Variants in KLHL2 observed in about 807,000 individuals in gnomAD.
The protein encoded by KLHL2 is kelch like family member 2, also known as kelch-like protein 2.
In KLHL2, 15 loss-of-function variants were observed where a neutral mutation model predicts 75.8. The ratio of observed to expected loss-of-function variants is 0.20; its 90% confidence interval spans 0.13 to 0.30. The LOEUF is 0.30. KLHL2 is among the 10% of genes least tolerant of loss of function. The pLI is 1.00. For synonymous variants in KLHL2, 214 were observed against 251.9 expected, an observed-to-expected ratio of 0.85 and a Z score of 1.42; for missense variants, 381 against 741.0, an observed-to-expected ratio of 0.51 and a Z score of 5.64.
rs112182327 is a variant in KLHL2, at chr4:165,251,848, A to T, written c.382-11349A>T. On this transcript the variant is annotated intron_variant, in intron 4 of 14. Transcript: ENST00000226725. ...ATGGTCTCGATCTCCTGACCTCGTGATCCGCCCGCCTCGGCCTCCCAAAGT... is the reference window on the plus strand; with the variant it reads ...ATGGTCTCGATCTCCTGACCTCGTGTTCCGCCCGCCTCGGCCTCCCAAAGT... Among the ~76,000 whole-genome samples the T allele has an allele frequency of 7.2e-5, 11 of 152,096 alleles. No homozygotes were observed. The South Asian group carries it at 2.3e-3, about 32-fold the overall frequency.
At chr4:165,252,110 G>A (rs1405716865) in intron 4 of KLHL2, among the ~76,000 whole-genome samples, 1 of 152,150 alleles carries the variant, frequency 6.6e-6, no homozygotes, top group Non-Finnish European at 1.5e-5. Context: ...ACAAAAAAAT[G>A]ACTCCATCCT....
chr4:165,322,918 G>A lies in KLHL2; in HGVS notation c.*858G>A, dbSNP rs565693929. ...ACACTTTGGCATGAACATTACTGCA[G>A]GTTTTTGATGAATATAATGAATGTA... On this transcript the variant is annotated 3_prime_UTR_variant, in exon 15 of 15. Transcript: ENST00000226725. The A allele has an allele frequency of 1.3e-5, 2 of 152,518 alleles. No individual in the cohort carries two copies. Among genetic ancestry groups the A allele is most frequent in the Admixed American group, 1.3e-4 (2 of 15,280 alleles). The allele number at this position is 152,518 out of a possible 1,614,324, so 9.4% of individuals were successfully genotyped here.
At position 165,259,696 on chromosome 4, in the gene KLHL2, TTTA is replaced by T. The variant is rs552691008; in HGVS notation, c.382-3495_382-3493del. Reference sequence around the variant, plus strand: ...ATGCATTGTTGAAGTGGTTGTTGTCTTTATTATTCTTCATGAAAAGGACAGTGT... The same window carrying T: ...ATGCATTGTTGAAGTGGTTGTTGTCTTTATTCTTCATGAAAAGGACAGTGT... On this transcript the variant is annotated intron_variant, in intron 4 of 14. Coordinates refer to ENST00000226725, the MANE Select transcript of KLHL2 (RefSeq NM_007246.4). Among the ~76,000 whole-genome samples the T allele has an allele frequency of 2.0e-4, 31 of 152,334 alleles. No homozygotes were observed. In the South Asian group the frequency reaches 6.4e-3, roughly 32 times the overall value.
chr4:165,222,427 T>C (rs1022553302), intron 2 of KLHL2, among the ~76,000 whole-genome samples: 2 of 152,166 alleles, frequency 1.3e-5, no homozygotes, highest in Non-Finnish European at 2.9e-5. Context: ...TAGTACCTTC[T>C]TGTTCTTTGT....
At chr4:165,293,962 T>C (rs1744718684) in intron 5 of KLHL2, among the ~76,000 whole-genome samples, 1 of 152,214 alleles carries the variant, frequency 6.6e-6, no homozygotes, top group East Asian at 1.9e-4. Flanking sequence ...ACATGTAGGA[T>C]ATGACAATAT....
At chr4:165,276,094 C>T (rs1412778199) in intron 5 of KLHL2, among the ~76,000 whole-genome samples, 1 of 152,186 alleles carries the variant, frequency 6.6e-6, no homozygotes, top group Non-Finnish European at 1.5e-5. Context: ...CACCACTGCA[C>T]TGTAGCCTGG....
chr4:165,241,521 A>C (rs546338964), intron 4 of KLHL2, among the ~76,000 whole-genome samples: 1 of 152,066 alleles, frequency 6.6e-6, no homozygotes, highest in Non-Finnish European at 1.5e-5. Flanking sequence ...CTGTAATTCA[A>C]ATGTTTCTTG....
Position 165,279,725 on chromosome 4 carries a change from G to A in KLHL2, c.545-14634G>A, listed in dbSNP as rs1324922357. On this transcript the variant is annotated intron_variant, in intron 5 of 14. Coordinates refer to ENST00000226725, the MANE Select transcript of KLHL2 (RefSeq NM_007246.4). ...CGGGAGGGGGAGGGGAGGGTGACGA[G>A]TCCAAAGAGCGAGGCCGCGCGAGTC... 7.9e-6 allele frequency: 9 copies of A among 1,145,718 alleles called. No homozygotes were observed. In the African/African-American group the frequency reaches 1.2e-4, roughly 15 times the overall value. 71.0% of individuals were successfully genotyped at this position (1,145,718 alleles called of 1,614,324 possible).
intron 5 of KLHL2, chr4:165,279,378 C>T: frequency 2.5e-6 from 4 of 1,585,032 alleles, no homozygotes; most frequent in Non-Finnish European, 3.5e-6. Context: ...TGGTTGCTGA[C>T]ACCAATAGCT....
intron 4 of KLHL2, among the ~76,000 whole-genome samples, chr4:165,255,218 T>A (rs1333087329): frequency 2.0e-5 from 3 of 152,220 alleles, no homozygotes; most frequent in Non-Finnish European, 2.9e-5. Flanking sequence ...CCATACTACC[T>A]TTGCTTTTCT....
intron 5 of KLHL2, among the ~76,000 whole-genome samples, chr4:165,281,739 A>G (rs1403093367): frequency 2.0e-5 from 3 of 152,198 alleles, no homozygotes; most frequent in African/African-American, 7.2e-5. Flanking sequence ...ATGAGCATAT[A>G]TGTTCATTAT....
chr4:165,294,011 T>G (rs2126490766), intron 5 of KLHL2, among the ~76,000 whole-genome samples: 1 of 152,226 alleles, frequency 6.6e-6, no homozygotes, highest in African/African-American at 2.4e-5. Flanking sequence ...AATCAAAAGG[T>G]TTTACAAATT....
At chr4:165,314,647 C>T (rs1735630526) in intron 13 of KLHL2, among the ~76,000 whole-genome samples, 3 of 152,050 alleles carry the variant, frequency 2.0e-5, no homozygotes, top group Non-Finnish European at 1.5e-5. Flanking sequence ...GTAACCCTAG[C>T]TTAATACAGT....
At chr4:165,264,721 C>CATATATATATATATATATAT (rs1187856274) in intron 5 of KLHL2, among the ~76,000 whole-genome samples, 2 of 71,196 alleles carry the variant, frequency 2.8e-5, no homozygotes, top group African/African-American at 4.8e-5. Context: ...TATATATATA[C>CATATATATATATATATATAT]ATATATATAT....
chr4:165,258,033 T>A (rs1741325173), intron 4 of KLHL2, among the ~76,000 whole-genome samples: 1 of 151,918 alleles, frequency 6.6e-6, no homozygotes, highest in African/African-American at 2.4e-5. Context: ...CAGGGTTCGG[T>A]TGATGGAATA....
In KLHL2 at chr4:165,297,744, CAT is replaced by C; in HGVS notation, c.771+22_771+23del. 3 of 1,378,338 alleles carry C rather than the reference CAT, an allele frequency of 2.2e-6. No individual in the cohort carries two copies. Among genetic ancestry groups the C allele is most frequent in the Non-Finnish European group, 3.1e-6 (3 of 964,818 alleles). The allele number at this position is 1,378,338 out of a possible 1,614,324, so 85.4% of individuals were successfully genotyped here. ...AGTTCAGGTAAATGCATATGCAAAACATATGAATCCACACAGCACTGTGTCAC... is the reference window on the plus strand; with the variant it reads ...AGTTCAGGTAAATGCATATGCAAAACATGAATCCACACAGCACTGTGTCAC... On this transcript the variant is annotated intron_variant, in intron 7 of 14. Transcript: ENST00000226725.
intron 1 of KLHL2, chr4:165,219,679 G>A: frequency 1.6e-6 from 2 of 1,232,472 alleles, no homozygotes; most frequent in Non-Finnish European, 2.0e-6. Flanking sequence ...CACTTCTGCT[G>A]AATATTCTGT....
chr4:165,267,329 C>A (rs1464345520), intron 5 of KLHL2, among the ~76,000 whole-genome samples: 1 of 152,172 alleles, frequency 6.6e-6, no homozygotes, highest in Non-Finnish European at 1.5e-5. Context: ...ATTGCCCTAG[C>A]CAGAACTTCC....
chr4:165,271,085 T>C (rs1224549772), intron 5 of KLHL2, among the ~76,000 whole-genome samples: 1 of 152,220 alleles, frequency 6.6e-6, no homozygotes, highest in East Asian at 1.9e-4. Flanking sequence ...GGTAATGTCA[T>C]GCCTCTAGAT....
Sources: allele counts gnomAD v4.1 joint callset (sites outside exome capture counted in the v4.1 genomes callset), GRCh38; gene constraint gnomAD v4.1.1; transcripts MANE v1.5; gene names NCBI Gene and HGNC (gene_info 2026-07-23, HGNC 2026-07-21).